Variants in TP63 observed in about 807,000 individuals in gnomAD.
The protein encoded by TP63 is tumor protein 63.
TP63 carries 17 observed loss-of-function variants against 82.8 expected under a neutral mutation model. The observed-to-expected ratio is 0.21, with a 90% CI of 0.14 to 0.31. The LOEUF (loss-of-function observed/expected upper bound fraction) is 0.31, where lower values mean the gene tolerates loss of function less well. TP63 is among the 10% of genes least tolerant of loss of function. TP63 has a pLI of 1.00. For missense variants in TP63, 648 were observed against 895.3 expected (o/e 0.72, Z 3.52); for synonymous variants, 330 against 321.7 (o/e 1.03, Z -0.28).
intron 3 of TP63, 89 bp from the exon 4 acceptor site, chr3:189,808,183 T>C (rs1727125744): frequency 6.2e-7 from 1 of 1,607,376 alleles, no homozygotes. Flanking sequence ...TCCATCTCTG[T>C]AGAATGCATT....
At chr3:189,750,813 TTTA>T (rs1400499154) in intron 3 of TP63, among the ~76,000 whole-genome samples, 1 of 152,114 alleles carries the variant, frequency 6.6e-6, no homozygotes, top group Non-Finnish European at 1.5e-5. Context: ...GCCTTTTATT[TTTA>T]TTATTTTTAT....
the TP63 span, among the ~76,000 whole-genome samples, chr3:189,616,970 AAT>A: frequency 5.9e-5 from 9 of 152,180 alleles, no homozygotes; most frequent in Admixed American, 4.6e-4. Context: ...TTAGGCATAG[AAT>A]ATGTTGCCTC....
intron 6 of TP63, among the ~76,000 whole-genome samples, chr3:189,867,172 T>C (rs1717830867): frequency 6.6e-6 from 1 of 152,114 alleles, no homozygotes; most frequent in South Asian, 2.1e-4. Context: ...CTAAGAGGGA[T>C]CTCTTAGCTG....
chr3:189,719,131 A>G (rs764843344), intron 1 of TP63, among the ~76,000 whole-genome samples: 7 of 152,202 alleles, frequency 4.6e-5, no homozygotes, highest in Non-Finnish European at 1.0e-4. Flanking sequence ...CAAAAGCCAT[A>G]GACGCACGAA....
At chr3:189,801,643 A>G (rs1412895034) in intron 3 of TP63, among the ~76,000 whole-genome samples, 1 of 152,142 alleles carries the variant, frequency 6.6e-6, no homozygotes, top group African/African-American at 2.4e-5. Context: ...GTTTGTTGAC[A>G]TTGTTGTCCA....
intron 1 of TP63, among the ~76,000 whole-genome samples, chr3:189,654,258 A>C (rs1272509084): frequency 6.6e-6 from 1 of 152,082 alleles, no homozygotes; most frequent in Non-Finnish European, 1.5e-5. Context: ...AAAAAAAAAG[A>C]AAAATTGCAA....
At chr3:189,713,147 A>T (rs959382566) in intron 1 of TP63, among the ~76,000 whole-genome samples, 1 of 152,184 alleles carries the variant, frequency 6.6e-6, no homozygotes, top group Non-Finnish European at 1.5e-5. Context: ...AATAGGCTTT[A>T]TGGCCACTTC....
chr3:189,800,361 C>T (rs1726155439), intron 3 of TP63, among the ~76,000 whole-genome samples: 1 of 151,426 alleles, frequency 6.6e-6, no homozygotes, highest in Non-Finnish European at 1.5e-5. Context: ...GTGACAAGAT[C>T]AGATTTGCAA....
intron 1 of TP63, among the ~76,000 whole-genome samples, chr3:189,648,393 A>G (rs1235109262): frequency 6.8e-6 from 1 of 147,104 alleles, no homozygotes; most frequent in Non-Finnish European, 1.5e-5. Flanking sequence ...GAGGACAGAC[A>G]TTTGTCTACT....
chr3:189,660,940 C>T (rs961485111), intron 1 of TP63, among the ~76,000 whole-genome samples: 1 of 152,022 alleles, frequency 6.6e-6, no homozygotes, highest in Admixed American at 6.6e-5. Flanking sequence ...TATCCTGAAA[C>T]TTTACTGATG....
intron 10 of TP63, chr3:189,880,427 G>A: frequency 9.1e-7 from 1 of 1,093,508 alleles, no homozygotes; most frequent in Non-Finnish European, 1.1e-6. Context: ...TGGTGGGTGA[G>A]GAACCACTGT....
chr3:189,723,493 T>A (rs1321545028), intron 1 of TP63, among the ~76,000 whole-genome samples: 7 of 152,250 alleles, frequency 4.6e-5, no homozygotes, highest in Admixed American at 4.6e-4. Context: ...ATTCTCTTAT[T>A]GATGTTAGCA....
chr3:189,739,693 T>C (rs1720840106), intron 3 of TP63, among the ~76,000 whole-genome samples: 1 of 152,156 alleles, frequency 6.6e-6, no homozygotes. Flanking sequence ...CCAGGTAAGC[T>C]AAGGAGTTTA....
At chr3:189,714,299 G>C (rs1318084390) in intron 1 of TP63, among the ~76,000 whole-genome samples, 1 of 152,144 alleles carries the variant, frequency 6.6e-6, no homozygotes, top group Non-Finnish European at 1.5e-5. Flanking sequence ...CATGTTCCCG[G>C]TGTTCTGAAA....
At chr3:189,892,089 GTTCCAGTATTATTCTGATAA>G (rs748471276) in intron 13 of TP63, among the ~76,000 whole-genome samples, 8 of 152,170 alleles carry the variant, frequency 5.3e-5, no homozygotes, top group Non-Finnish European at 8.8e-5. Flanking sequence ...TTAAGAGTAA[GTTCCAGTATTATTCTGATAA>G]CTTTACAGTC....
upstream of TP63, among the ~76,000 whole-genome samples, chr3:189,629,923 G>A (rs1210772600): frequency 6.6e-6 from 1 of 152,140 alleles, no homozygotes; most frequent in African/African-American, 2.4e-5. Context: ...AATTAGTTAA[G>A]CAATCTTCCC....
At chr3:189,773,719 A>G (rs910869363) in intron 3 of TP63, among the ~76,000 whole-genome samples, 27 of 152,014 alleles carry the variant, frequency 1.8e-4, no homozygotes, top group African/African-American at 5.3e-4. Flanking sequence ...CTCTCCATCA[A>G]TGGCTTTTTT....
In TP63 at chr3:189,826,377, T is replaced by C. The variant is rs559395870; in HGVS notation, c.579+17851T>C. ...TGCTTATACTACTTGAAAAATGATT[T>C]TATGGACACCGTGATGTAAACAATG... is the stretch of plus-strand genomic sequence containing the variant. On this transcript the variant is annotated intron_variant, in intron 4 of 13. Transcript: ENST00000264731. Among the ~76,000 whole-genome samples the C allele has an allele frequency of 3.0e-4, 45 of 152,292 alleles. No individual in the cohort carries two copies. In the South Asian group the frequency reaches 8.1e-3, roughly 27 times the overall value.
intron 1 of TP63, among the ~76,000 whole-genome samples, chr3:189,658,702 A>G (rs1333309364): frequency 1.3e-5 from 2 of 152,070 alleles, no homozygotes; most frequent in Non-Finnish European, 2.9e-5. Flanking sequence ...AAAACATGGA[A>G]AATTTGAAAA....
Sources: allele counts gnomAD v4.1 joint callset (sites outside exome capture counted in the v4.1 genomes callset), GRCh38; gene constraint gnomAD v4.1.1; transcripts MANE v1.5; gene names NCBI Gene and HGNC (gene_info 2026-07-23, HGNC 2026-07-21).